Variants in CHAC2 observed in about 807,000 individuals in gnomAD.
The protein encoded by CHAC2 is ChaC glutathione specific gamma-glutamylcyclotransferase 2, also known as glutathione-specific gamma-glutamylcyclotransferase 2.
CHAC2 carries 20 observed loss-of-function variants against 16.9 expected under a neutral mutation model. That is an observed-to-expected ratio of 1.18 (90% CI 0.83 to 1.72). The LOEUF (loss-of-function observed/expected upper bound fraction) is 1.72, where lower values mean the gene tolerates loss of function less well. Among genes scored for constraint, CHAC2 ranks in the 40% most tolerant of loss-of-function variants. CHAC2 has a pLI of 0.00. For synonymous variants in CHAC2, 91 were observed against 77.3 expected (o/e 1.18, Z -0.93); for missense variants, 269 against 222.2 (o/e 1.21, Z -1.34).
chr2:53,768,270 C>CA (rs1478109737), intron 1 of CHAC2: 2 of 452,384 alleles, frequency 4.4e-6, no homozygotes, highest in Non-Finnish European at 7.9e-6. Context: ...AGCGCGGGCA[C>CA]AGGCGCACGA....
Position 53,767,816 on chromosome 2 carries a change from G to A in CHAC2, c.-71G>A. The A allele has an allele frequency of 6.5e-7, 1 of 1,533,630 alleles. No individual in the cohort carries two copies. The highest frequency in any genetic ancestry group is 8.8e-7 in the Non-Finnish European group (1 of 1,133,974). On this transcript the variant is annotated 5_prime_UTR_variant, in exon 1 of 3. Coordinates refer to ENST00000295304, the MANE Select transcript of CHAC2 (RefSeq NM_001008708.4). The stretch of plus-strand genomic sequence containing the variant: ...CGCGCGGCCGGTTACTCGCTTACCG[G>A]AGGCTTCAGTCCCCGGCGGCGCGGC...
intron 1 of CHAC2, among the ~76,000 whole-genome samples, chr2:53,768,753 A>G (rs6737681): frequency 0.23 from 34,843 of 152,150 alleles, 4,836 homozygotes; most frequent in East Asian, 0.47. Context: ...CTTTTCAGTC[A>G]GTCCTACAAA....
rs376711184 is a variant in CHAC2, at chr2:53,771,886, T to C, written c.136-21T>C. 2.0e-5 allele frequency: 30 copies of C among 1,514,286 alleles called. 1 individual carries two copies. The African/African-American group carries it at 2.4e-4, about 12-fold the overall frequency. 93.8% of individuals were successfully genotyped at this position (1,514,286 alleles called of 1,614,324 possible). ...GAACTTTATTAATTCAGAAAAATTT[T>C]TTTTTACCTTTTTAAAACAGCCTGG... On this transcript the variant is annotated intron_variant, in intron 1 of 2. Coordinates refer to ENST00000295304, the MANE Select transcript of CHAC2 (RefSeq NM_001008708.4).
In CHAC2 at chr2:53,774,376, G is replaced by A; in HGVS notation, c.406G>A (p.Gly136Ser). Residue 136 changes from glycine to serine, a missense_variant, in exon 3 of 3, where the codon GGT (glycine) becomes AGT (serine). By Grantham distance (56) the Gly-to-Ser change is moderately conservative. Coordinates refer to ENST00000295304, the MANE Select transcript of CHAC2 (RefSeq NM_001008708.4). ...TGCTGAACAAATTTTTAATGCAGCT[G>A]GTCCAAGTGGAAGAAATACAGAATA... ...DIAEQIFNAAGPSGRNTEYLF... is the reference protein window; with the variant it reads ...DIAEQIFNAASPSGRNTEYLF... 1 of 1,613,386 alleles carries A rather than the reference G, an allele frequency of 6.2e-7. No homozygotes were observed. Among genetic ancestry groups the A allele is most frequent in the East Asian group, 2.2e-5 (1 of 44,844 alleles).
intron 1 of CHAC2, among the ~76,000 whole-genome samples, chr2:53,771,437 C>T (rs1304125860): frequency 6.6e-6 from 1 of 151,982 alleles, no homozygotes; most frequent in Non-Finnish European, 1.5e-5. Context: ...TGCTTGAGCC[C>T]GAGAGTTGGA....
intron 1 of CHAC2, 107 bp from the exon 2 acceptor site, chr2:53,771,800 A>C (rs1323023462): frequency 2.3e-5 from 17 of 734,728 alleles, no homozygotes; most frequent in Middle Eastern, 3.0e-4. Flanking sequence ...AGTGCTTCTT[A>C]TGAGCAAATA....
chr2:53,770,048 C>T (rs1673785834), intron 1 of CHAC2, among the ~76,000 whole-genome samples: 1 of 152,190 alleles, frequency 6.6e-6, no homozygotes, highest in Non-Finnish European at 1.5e-5. Flanking sequence ...GCATAAATAA[C>T]TTCTAATTCA....
intron 1 of CHAC2, among the ~76,000 whole-genome samples, chr2:53,769,374 G>T: frequency 6.6e-6 from 1 of 152,164 alleles, no homozygotes; most frequent in East Asian, 1.9e-4. Context: ...TTTAGCCCAG[G>T]CTCCAATTAT....
intron 1 of CHAC2, 39 bp from the exon 2 acceptor site, chr2:53,771,868 A>C (rs745396714): frequency 5.4e-6 from 7 of 1,301,040 alleles, no homozygotes; most frequent in Non-Finnish European, 7.6e-6. Context: ...AATGAACTTT[A>C]TTAATTCAGA....
chr2:53,767,838 C>A lies in CHAC2; in HGVS notation c.-49C>A, dbSNP rs773494026. On this transcript the variant is annotated 5_prime_UTR_variant, in exon 1 of 3. Coordinates refer to ENST00000295304, the MANE Select transcript of CHAC2 (RefSeq NM_001008708.4). ...CCGGAGGCTTCAGTCCCCGGCGGCG[C>A]GGCGACAGCTAGGGTTCACGGCCAC... The A allele has an allele frequency of 4.5e-6, 7 of 1,560,416 alleles. No individual in the cohort carries two copies. The highest frequency in any genetic ancestry group is 6.1e-6 in the Non-Finnish European group (7 of 1,150,142).
In CHAC2 at chr2:53,774,363, T is replaced by G; in HGVS notation, c.393T>G (p.Ile131Met). 6.2e-7 allele frequency: 1 copy of G among 1,613,492 alleles called. No individual in the cohort carries two copies. Among genetic ancestry groups the G allele is most frequent in the Non-Finnish European group, 8.5e-7 (1 of 1,179,900 alleles). ...PAPLEDIAEQ[I>M]FNAAGPSGRN... ...CTCTGGAAGACATTGCTGAACAAAT[T>G]TTTAATGCAGCTGGTCCAAGTGGAA... Residue 131 changes from isoleucine to methionine, a missense_variant, in exon 3 of 3, where the codon ATT (isoleucine) becomes ATG (methionine). Transcript: ENST00000295304.
At chr2:53,772,220 G>A (rs1015447737) in intron 2 of CHAC2, among the ~76,000 whole-genome samples, 1 of 152,068 alleles carries the variant, frequency 6.6e-6, no homozygotes, top group Non-Finnish European at 1.5e-5. Flanking sequence ...TGTCGCCCAG[G>A]CTGGAGTGCA....
At chr2:53,770,457 G>A (rs1673819339) in intron 1 of CHAC2, among the ~76,000 whole-genome samples, 4 of 132,660 alleles carry the variant, frequency 3.0e-5, no homozygotes, top group African/African-American at 1.1e-4. Flanking sequence ...TAAGGTATCA[G>A]TACACATACA....
chr2:53,770,204 C>CA lies in CHAC2; in HGVS notation c.136-1701dup, dbSNP rs201507930. On this transcript the variant is annotated intron_variant, in intron 1 of 2. Coordinates refer to ENST00000295304, the MANE Select transcript of CHAC2 (RefSeq NM_001008708.4). The stretch of plus-strand genomic sequence containing the variant: ...GAACGTTTATAGTTCATCAATGACA[C>CA]AATATTATGCAACTATTAAAATGTA... Among the ~76,000 whole-genome samples, 1,398 of 152,050 alleles carry CA rather than the reference C, an allele frequency of 9.2e-3. 24 individuals are homozygous for CA. The highest frequency in any genetic ancestry group is 0.032 in the African/African-American group (1,325 of 41,452).
At chr2:53,768,818 A>T (rs192094389) in intron 1 of CHAC2, among the ~76,000 whole-genome samples, 1 of 152,246 alleles carries the variant, frequency 6.6e-6, no homozygotes, top group Non-Finnish European at 1.5e-5. Context: ...TGCTTATGCA[A>T]ATCAGCTTTG....
chr2:53,771,392 A>T (rs1030583609), intron 1 of CHAC2, among the ~76,000 whole-genome samples: 2 of 152,118 alleles, frequency 1.3e-5, no homozygotes, highest in Admixed American at 6.5e-5. Flanking sequence ...GGGCACCTGT[A>T]ATCCCAACTA....
rs770889541 is a variant in CHAC2, at chr2:53,767,927, A to C, written c.41A>C (p.Asp14Ala). ...FGYGSLIWKV[D>A]FPYQDKLVGY... ...TACGGGTCCCTGATCTGGAAGGTGGATTTCCCCTATCAGGACAAGCTGGTC... is the reference window on the plus strand; with the variant it reads ...TACGGGTCCCTGATCTGGAAGGTGGCTTTCCCCTATCAGGACAAGCTGGTC... The change falls in exon 1 of 3, where the codon GAT (aspartate) becomes GCT (alanine). Residue 14 changes from aspartate to alanine, a missense_variant. Asp to Ala is a moderately radical substitution (Grantham distance 126). Transcript: ENST00000295304. 2 of 1,613,940 alleles carry C rather than the reference A, an allele frequency of 1.2e-6. No individual in the cohort carries two copies. Among genetic ancestry groups the C allele is most frequent in the South Asian group, 2.2e-5 (2 of 91,014 alleles).
At chr2:53,774,104 C>A in intron 2 of CHAC2, 38 bp from the exon 3 acceptor site, 2 of 1,535,476 alleles carry the variant, frequency 1.3e-6, no homozygotes, top group South Asian at 1.3e-5. Context: ...TTTTAATTAG[C>A]CTTATAATAC....
rs1359522098 is a variant in CHAC2 at position 53,774,744 on chromosome 2, TACTC to T, written c.*223_*226del. On this transcript the variant is annotated 3_prime_UTR_variant, in exon 3 of 3. Transcript: ENST00000295304. Reference sequence around the variant, plus strand: ...TCCTAACTTTATGTTATTGAACACTTACTCACTAGAAGTGAGTTCTTTAGAAAAA... The same window carrying T: ...TCCTAACTTTATGTTATTGAACACTTACTAGAAGTGAGTTCTTTAGAAAAA... The T allele has an allele frequency of 7.5e-6, 3 of 402,160 alleles. No individual in the cohort carries two copies. Among genetic ancestry groups the T allele is most frequent in the African/African-American group, 6.2e-5 (3 of 48,580 alleles). 24.9% of individuals were successfully genotyped at this position (402,160 alleles called of 1,614,324 possible).
Sources: allele counts gnomAD v4.1 joint callset (sites outside exome capture counted in the v4.1 genomes callset), GRCh38; gene constraint gnomAD v4.1.1; transcripts MANE v1.5; gene names NCBI Gene and HGNC (gene_info 2026-07-23, HGNC 2026-07-21).